Variants in CHD7 observed in about 807,000 individuals in gnomAD.
The protein encoded by CHD7 is chromodomain helicase DNA binding protein 7.
Under a neutral mutation model 307.3 loss-of-function variants are expected in CHD7, and 24 were observed. The observed-to-expected ratio is 0.08, with a 90% CI of 0.06 to 0.11. The LOEUF is 0.11. Ranked by LOEUF, CHD7 falls within the 10% of genes least tolerant of loss-of-function variation. CHD7 has a pLI of 1.00. For synonymous variants in CHD7, 1,363 were observed against 1,349.9 expected (o/e 1.01, Z -0.21); for missense variants, 3,106 against 3,727.1 (o/e 0.83, Z 4.34).
intron 4 of CHD7, among the ~76,000 whole-genome samples, chr8:60,799,847 T>C (rs1482388242): frequency 6.6e-6 from 1 of 152,164 alleles, no homozygotes; most frequent in Non-Finnish European, 1.5e-5. Flanking sequence ...TTGAAGGACA[T>C]GTAGCTGGGA....
At chr8:60,681,561 A>G (rs1805632036) in intron 1 of CHD7, among the ~76,000 whole-genome samples, 1 of 152,224 alleles carries the variant, frequency 6.6e-6, no homozygotes. Context: ...TTGTAGAAAA[A>G]AGTTATAGTA....
chr8:60,842,070 C>A lies in CHD7; in HGVS notation c.4850+18C>A. The A allele has an allele frequency of 1.3e-6, 2 of 1,574,820 alleles. No homozygotes were observed. Among genetic ancestry groups the A allele is most frequent in the Non-Finnish European group, 1.7e-6 (2 of 1,154,404 alleles). On this transcript the variant is annotated intron_variant, in intron 21 of 37. Transcript: ENST00000423902. The stretch of plus-strand genomic sequence containing the variant: ...GTCTATGGGTAAGTAGGACTCACTA[C>A]GTAAGATAGAATTTTATTGTAACAG...
intron 15 of CHD7, among the ~76,000 whole-genome samples, chr8:60,835,377 T>G (rs1804694987): frequency 1.3e-5 from 2 of 152,216 alleles, no homozygotes; most frequent in Non-Finnish European, 2.9e-5. Flanking sequence ...TGTCAAACAC[T>G]TAAAGGTTTG....
At chr8:60,843,108 C>A (rs374770656) in intron 21 of CHD7, among the ~76,000 whole-genome samples, 3 of 152,182 alleles carry the variant, frequency 2.0e-5, no homozygotes, top group African/African-American at 7.2e-5. Flanking sequence ...ATTTTTGAGT[C>A]GCCTCCCTCT....
chr8:60,821,681 T>A, intron 9 of CHD7, 109 bp from the exon 10 acceptor site: 1 of 845,498 alleles, frequency 1.2e-6, no homozygotes, highest in South Asian at 2.4e-5. Flanking sequence ...TAAACATATA[T>A]ATACACACAT....
At chr8:60,719,628 T>C (rs1299954968) in intron 1 of CHD7, among the ~76,000 whole-genome samples, 1 of 152,106 alleles carries the variant, frequency 6.6e-6, no homozygotes, top group East Asian at 1.9e-4. Flanking sequence ...GTAATAAAAG[T>C]GTACAAAGCA....
At chr8:60,769,444 T>C (rs968538339) in intron 2 of CHD7, among the ~76,000 whole-genome samples, 1 of 152,226 alleles carries the variant, frequency 6.6e-6, no homozygotes, top group African/African-American at 2.4e-5. Context: ...ATCATTGATG[T>C]AAAATGTGTG....
rs115588177 is a variant in CHD7, at chr8:60,802,175, A to C, written c.2442+582A>C. ...TGTTCATCTGCAAAGGTGAGCTCTA[A>C]GTATCTGTCACTAGCCTGCTAGCTT... On this transcript the variant is annotated intron_variant, in intron 6 of 37. Transcript: ENST00000423902. Among the ~76,000 whole-genome samples the C allele has an allele frequency of 4.8e-3, 731 of 152,342 alleles. 2 individuals are homozygous for C. The highest frequency in any genetic ancestry group is 0.017 in the African/African-American group (690 of 41,586).
intron 19 of CHD7, among the ~76,000 whole-genome samples, chr8:60,839,256 T>C (rs1804867652): frequency 6.6e-6 from 1 of 152,268 alleles, no homozygotes. Flanking sequence ...ATCCATGTTG[T>C]AGCATGGATC....
At chr8:60,699,579 C>T (rs1806654567) in intron 1 of CHD7, among the ~76,000 whole-genome samples, 2 of 151,742 alleles carry the variant, frequency 1.3e-5, no homozygotes, top group South Asian at 2.1e-4. Flanking sequence ...CTCTGTCTGT[C>T]CCATTGCTAT....
chr8:60,747,485 A>G (rs1809390320), intron 2 of CHD7, among the ~76,000 whole-genome samples: 1 of 152,218 alleles, frequency 6.6e-6, no homozygotes, highest in Non-Finnish European at 1.5e-5. Context: ...AACTTTTTAA[A>G]AAATGAAAGA....
chr8:60,706,662 T>C (rs751598049), intron 1 of CHD7, among the ~76,000 whole-genome samples: 22 of 152,104 alleles, frequency 1.4e-4, no homozygotes, highest in Non-Finnish European at 2.2e-4. Context: ...AGGACAAAAC[T>C]ATAGTAATTT....
intron 2 of CHD7, among the ~76,000 whole-genome samples, chr8:60,773,101 A>T (rs547072213): frequency 1.3e-5 from 2 of 152,344 alleles, no homozygotes; most frequent in Admixed American, 1.3e-4. Flanking sequence ...CCAAGAGAAG[A>T]GGTATGTAAA....
chr8:60,680,497 C>T (rs1461554730), intron 1 of CHD7, among the ~76,000 whole-genome samples: 3 of 151,574 alleles, frequency 2.0e-5, no homozygotes, highest in Non-Finnish European at 4.4e-5. Context: ...CCCCGAGCAG[C>T]CATCATTACC....
At position 60,849,589 on chromosome 8, in the gene CHD7, C is replaced by T. The variant is rs576454393; in HGVS notation, c.5404+435C>T. On this transcript the variant is annotated intron_variant, in intron 25 of 37. Transcript: ENST00000423902. ...TTCACAAATGTCAGTGCTGAGAACT[C>T]GCGGCTCCCCTGAGTGGGATGCAGC... 7.8e-4 allele frequency among the ~76,000 whole-genome samples: 118 copies of T among 152,186 alleles called. 3 individuals are homozygous for T. The highest frequency in any genetic ancestry group is 4.1e-4 in the South Asian group (2 of 4,820).
chr8:60,741,707 A>G lies in CHD7; in HGVS notation c.275A>G (p.Asn92Ser), dbSNP rs2150577749. 2 of 1,614,000 alleles carry G rather than the reference A, an allele frequency of 1.2e-6. No homozygotes were observed. Among genetic ancestry groups the G allele is most frequent in the African/African-American group, 1.3e-5 (1 of 75,056 alleles). Residue 92 changes from asparagine (N) to serine (S), a missense_variant, in exon 2 of 38, where the codon AAC becomes AGC. Physicochemically the swap from Asn to Ser is conservative, Grantham distance 46 (BLOSUM62 1). Around this residue, in one of 10 missense-constraint regions of CHD7, gnomAD observed 998 missense variants for 1,004.5 expected, o/e 0.99. Coordinates refer to ENST00000423902, the MANE Select transcript of CHD7 (RefSeq NM_017780.4). Reference protein sequence around the residue: ...LMDQPNRMMSNTPGNGLASPH... With the variant: ...LMDQPNRMMSSTPGNGLASPH... Reference sequence around the variant, plus strand: ...GATCAGCCGAACAGAATGATGAGCAACACCCCTGGGAACGGACTCGCGTCT... The same window carrying G: ...GATCAGCCGAACAGAATGATGAGCAGCACCCCTGGGAACGGACTCGCGTCT...
intron 1 of CHD7, among the ~76,000 whole-genome samples, chr8:60,703,704 T>C (rs773205550): frequency 1.1e-4 from 17 of 152,346 alleles, no homozygotes; most frequent in Non-Finnish European, 2.4e-4. Context: ...CCTCCCATCC[T>C]GGGATCATGT....
chr8:60,775,363 T>TATAAGCTTATA (rs137934348), intron 2 of CHD7, among the ~76,000 whole-genome samples: 3 of 151,296 alleles, frequency 2.0e-5, no homozygotes, highest in Admixed American at 6.6e-5. Context: ...TACTACTTTA[T>TATAAGCTTATA]TCCTACCAGT....
chr8:60,706,228 T>A (rs1173536437), intron 1 of CHD7, among the ~76,000 whole-genome samples: 1 of 152,224 alleles, frequency 6.6e-6, no homozygotes, highest in Non-Finnish European at 1.5e-5. Context: ...TTTTTTTGTG[T>A]GAAATTATTT....
Sources: allele counts gnomAD v4.1 joint callset (sites outside exome capture counted in the v4.1 genomes callset), GRCh38; gene constraint gnomAD v4.1.1; regional missense constraint gnomAD v4.1.1; transcripts MANE v1.5; gene names NCBI Gene and HGNC (gene_info 2026-07-23, HGNC 2026-07-21).